STOX2: variants seen among roughly 807,000 people sequenced by gnomAD.
The protein encoded by STOX2 is storkhead-box protein 2.
In STOX2, 28 loss-of-function variants were observed where a neutral mutation model predicts 60.9. The ratio of observed to expected loss-of-function variants is 0.46; its 90% CI spans 0.34 to 0.63. The LOEUF is 0.63. Among genes scored for constraint, STOX2 ranks in the 30% least tolerant of loss-of-function variants. The pLI is 0.01. For synonymous variants in STOX2, 472 were observed against 463.9 expected, an observed-to-expected ratio of 1.02 and a Z score of -0.22; for missense variants, 1,024 against 1,187.7, an observed-to-expected ratio of 0.86 and a Z score of 2.03.
At chr4:183,816,748 C>T (rs1739163372) in intron 1 of STOX2, among the ~76,000 whole-genome samples, 1 of 152,172 alleles carries the variant, frequency 6.6e-6, no homozygotes, top group African/African-American at 2.4e-5. Flanking sequence ...AACTGGAACA[C>T]ATTATCGAAA....
intron 1 of STOX2, among the ~76,000 whole-genome samples, chr4:183,918,387 C>T (rs983996696): frequency 1.3e-5 from 2 of 152,174 alleles, no homozygotes; most frequent in African/African-American, 4.8e-5. Context: ...CTTGGCTTTA[C>T]TTAAAATCAG....
chr4:183,915,264 G>A (rs1741897836), intron 1 of STOX2, among the ~76,000 whole-genome samples: 1 of 152,172 alleles, frequency 6.6e-6, no homozygotes, highest in Non-Finnish European at 1.5e-5. Context: ...AATTAACATT[G>A]CCTTCTCACC....
chr4:183,922,534 C>T lies in STOX2; in HGVS notation c.166+15578C>T, dbSNP rs572901509. Reference sequence around the variant, plus strand: ...CTAATTTTTGTATTTTTAGTAGAGACGGGGTTTCACCATCTTGGCCAGGCT... The same window carrying T: ...CTAATTTTTGTATTTTTAGTAGAGATGGGGTTTCACCATCTTGGCCAGGCT... On this transcript the variant is annotated intron_variant, in intron 1 of 3. Coordinates refer to ENST00000308497, the MANE Select transcript of STOX2 (RefSeq NM_020225.3). Among the ~76,000 whole-genome samples the T allele has an allele frequency of 3.3e-3, 502 of 152,024 alleles. 4 individuals carry two copies. The highest frequency in any genetic ancestry group is 9.0e-3 in the African/African-American group (375 of 41,488).
chr4:183,926,717 G>A (rs768781825), intron 1 of STOX2, among the ~76,000 whole-genome samples: 2 of 151,706 alleles, frequency 1.3e-5, no homozygotes, highest in South Asian at 2.1e-4. Flanking sequence ...TCCACCTCCC[G>A]GGTTCAAGCA....
At chr4:183,913,599 C>T (rs897351455) in intron 1 of STOX2, among the ~76,000 whole-genome samples, 13 of 152,220 alleles carry the variant, frequency 8.5e-5, no homozygotes, top group East Asian at 3.9e-4. Context: ...GGTGAAACCC[C>T]GTCTCTACTA....
At chr4:183,832,342 C>G (rs1173151843) in intron 1 of STOX2, among the ~76,000 whole-genome samples, 1 of 152,020 alleles carries the variant, frequency 6.6e-6, no homozygotes, top group African/African-American at 2.4e-5. Context: ...CTAAATATTA[C>G]TAACCCCATT....
At position 183,818,945 on chromosome 4, in the gene STOX2, C is replaced by G. The variant is rs190887232; in HGVS notation, c.364+20890C>G. ...GAAGAGGCGGTCCTCACTTCCCAGA[C>G]TGGGCAGCGGGGCAGAGGGGCTCCT... On this transcript the variant is annotated intron_variant, in intron 1 of 2. Coordinates refer to the STOX2 transcript ENST00000513034. 7.2e-4 allele frequency among the ~76,000 whole-genome samples: 109 copies of G among 151,670 alleles called. 2 individuals are homozygous for G. In the East Asian group the frequency reaches 0.015, roughly 21 times the overall value.
chr4:183,850,083 C>A (rs1010613491), intron 1 of STOX2, among the ~76,000 whole-genome samples: 1 of 152,078 alleles, frequency 6.6e-6, no homozygotes, highest in Admixed American at 6.5e-5. Flanking sequence ...CCTGCCTCAG[C>A]CTCACAAGTA....
intron 1 of STOX2, among the ~76,000 whole-genome samples, chr4:183,985,740 A>G (rs1732813328): frequency 6.6e-6 from 1 of 152,218 alleles, no homozygotes; most frequent in Admixed American, 6.5e-5. Context: ...GAGGTGGTAC[A>G]GTGACCCAGG....
At chr4:183,810,184 T>C (rs62340360) in intron 1 of STOX2, among the ~76,000 whole-genome samples, 25,351 of 152,194 alleles carry the variant, frequency 0.17, 2,413 homozygotes, top group South Asian at 0.29. Flanking sequence ...GAGGTAAGTG[T>C]AGCTGCCACC....
At chr4:184,002,384 T>G (rs919242324) in intron 2 of STOX2, among the ~76,000 whole-genome samples, 4 of 152,262 alleles carry the variant, frequency 2.6e-5, no homozygotes, top group Non-Finnish European at 5.9e-5. Context: ...AGAAGAGATC[T>G]GAGTAAATAT....
chr4:183,835,209 G>A (rs994367514), intron 1 of STOX2, among the ~76,000 whole-genome samples: 1 of 150,874 alleles, frequency 6.6e-6, no homozygotes, highest in Admixed American at 6.6e-5. Context: ...CTTCATCATA[G>A]TGTCTGGCAA....
At chr4:183,892,504 T>C (rs180863356) in intron 1 of STOX2, among the ~76,000 whole-genome samples, 114 of 152,242 alleles carry the variant, frequency 7.5e-4, no homozygotes, top group Admixed American at 1.5e-3. Flanking sequence ...ATGGTCTCGA[T>C]CTCCTGACCT....
At chr4:183,818,598 A>G (rs967777774) in intron 1 of STOX2, among the ~76,000 whole-genome samples, 1 of 152,222 alleles carries the variant, frequency 6.6e-6, no homozygotes, top group African/African-American at 2.4e-5. Flanking sequence ...CCCGTTCTCA[A>G]TGAGCTGTTG....
At position 183,906,852 on chromosome 4, in the gene STOX2, G is replaced by T; in HGVS notation, c.62G>T (p.Arg21Leu). Residue 21 changes from arginine (R) to leucine (L), a missense_variant, in exon 1 of 4, where the codon CGG becomes CTG. By Grantham distance (102) the Arg-to-Leu change is moderately radical. This residue lies in a region of STOX2 where 98 missense variants were observed against 110.2 expected (regional missense o/e 0.89). Transcript: ENST00000308497. ...RAWPSSDFSD[R>L]ASDRMRSRSE... is the part of the protein sequence containing the mutation. ...TGGCCTAGCTCGGATTTCTCGGACC[G>T]GGCCTCGGACCGCATGAGGTCCCGC... 1 of 1,553,276 alleles carries T rather than the reference G, an allele frequency of 6.4e-7. No individual in the cohort carries two copies. The highest frequency in any genetic ancestry group is 8.7e-7 in the Non-Finnish European group (1 of 1,148,188).
intron 1 of STOX2, among the ~76,000 whole-genome samples, chr4:183,973,762 G>A (rs965231681): frequency 2.0e-5 from 3 of 152,346 alleles, no homozygotes; most frequent in African/African-American, 4.8e-5. Flanking sequence ...TTGGGAGGCC[G>A]AGGTGGGTGG....
chr4:183,849,792 A>C (rs1433655404), intron 1 of STOX2, among the ~76,000 whole-genome samples: 1 of 152,144 alleles, frequency 6.6e-6, no homozygotes, highest in Non-Finnish European at 1.5e-5. Context: ...TTGTGTATGC[A>C]CCATGAAGGA....
chr4:183,893,057 C>G (rs553669257), intron 1 of STOX2, among the ~76,000 whole-genome samples: 26 of 152,022 alleles, frequency 1.7e-4, no homozygotes, highest in African/African-American at 6.0e-4. Flanking sequence ...GGAAACCAGT[C>G]TCTGAGATTT....
intron 1 of STOX2, among the ~76,000 whole-genome samples, chr4:183,824,546 T>C (rs1739378219): frequency 6.6e-6 from 1 of 152,134 alleles, no homozygotes; most frequent in Non-Finnish European, 1.5e-5. Context: ...AAACTTAAAG[T>C]ATAATAATAA....
Sources: allele counts gnomAD v4.1 joint callset (sites outside exome capture counted in the v4.1 genomes callset), GRCh38; gene constraint gnomAD v4.1.1; regional missense constraint gnomAD v4.1.1; transcripts MANE v1.5; gene names NCBI Gene and HGNC (gene_info 2026-07-23, HGNC 2026-07-21).